Variants in EIF2B3 observed in about 807,000 individuals in gnomAD.
EIF2B3 encodes eukaryotic translation initiation factor 2B subunit gamma, also known as translation initiation factor eIF2B subunit gamma.
EIF2B3 carries 20 observed loss-of-function variants against 54.1 expected under a neutral mutation model. That is an observed-to-expected ratio of 0.37 (90% CI 0.26 to 0.54). EIF2B3 has a LOEUF of 0.54. EIF2B3 is among the 20% of genes least tolerant of loss of function. The pLI is 0.86. For synonymous variants in EIF2B3, 153 were observed against 188.1 expected, an observed-to-expected ratio of 0.81 and a Z score of 1.52; for missense variants, 448 against 547.8, an observed-to-expected ratio of 0.82 and a Z score of 1.82.
At chr1:44,960,198 T>C (rs1163539466) in intron 3 of EIF2B3, among the ~76,000 whole-genome samples, 2 of 152,244 alleles carry the variant, frequency 1.3e-5, no homozygotes, top group Non-Finnish European at 2.9e-5. Flanking sequence ...TTTTTAAAGT[T>C]GACTTTTTTG....
intron 10 of EIF2B3, among the ~76,000 whole-genome samples, chr1:44,862,591 C>T (rs982194920): frequency 9.2e-5 from 14 of 152,164 alleles, no homozygotes; most frequent in Admixed American, 8.5e-4. Context: ...ATGTCTAATA[C>T]ATCTCAGTCA....
intron 3 of EIF2B3, among the ~76,000 whole-genome samples, chr1:44,974,049 C>T (rs558877418): frequency 6.6e-6 from 1 of 152,106 alleles, no homozygotes; most frequent in African/African-American, 2.4e-5. Flanking sequence ...TGGAAGCCCC[C>T]ACTCTAATCA....
At chr1:44,879,564 C>T (rs1655316174) in intron 8 of EIF2B3, among the ~76,000 whole-genome samples, 1 of 152,096 alleles carries the variant, frequency 6.6e-6, no homozygotes, top group Admixed American at 6.5e-5. Context: ...ACCCAAAGGC[C>T]AGAAGTTAGC....
At chr1:44,926,582 T>C in intron 5 of EIF2B3, 46 bp downstream of exon 5, 4 of 1,527,816 alleles carry the variant, frequency 2.6e-6, no homozygotes, top group Non-Finnish European at 2.7e-6. Context: ...TTTTATTTTG[T>C]TTTAAGACAA....
chr1:44,899,421 C>T (rs1020789202), intron 5 of EIF2B3, among the ~76,000 whole-genome samples: 1 of 152,130 alleles, frequency 6.6e-6, no homozygotes, highest in Non-Finnish European at 1.5e-5. Context: ...GAAATATTCT[C>T]AAACTATGCA....
At chr1:44,886,211 C>T (rs946786225) in intron 6 of EIF2B3, among the ~76,000 whole-genome samples, 3 of 151,872 alleles carry the variant, frequency 2.0e-5, no homozygotes, top group Non-Finnish European at 4.4e-5. Flanking sequence ...TCCCGAGTAG[C>T]TGGGATTACA....
At chr1:44,937,280 T>C (rs1326213537) in intron 4 of EIF2B3, 1 of 152,276 alleles carries the variant, frequency 6.6e-6, no homozygotes, top group African/African-American at 2.4e-5. Context: ...CAAGAAGAGC[T>C]GCCTTTATAA....
intron 6 of EIF2B3, among the ~76,000 whole-genome samples, chr1:44,889,373 T>C (rs913452454): frequency 6.6e-6 from 1 of 151,810 alleles, no homozygotes; most frequent in African/African-American, 2.4e-5. Context: ...GCATCTCTAC[T>C]AAAAATACAA....
intron 5 of EIF2B3, among the ~76,000 whole-genome samples, chr1:44,916,015 A>G (rs1474981444): frequency 6.6e-6 from 1 of 152,152 alleles, no homozygotes; most frequent in Non-Finnish European, 1.5e-5. Context: ...ATTAATATCT[A>G]GCAATGTTTT....
At chr1:44,857,071 C>T (rs1654456986) in intron 11 of EIF2B3, among the ~76,000 whole-genome samples, 1 of 152,178 alleles carries the variant, frequency 6.6e-6, no homozygotes, top group Non-Finnish European at 1.5e-5. Context: ...TTGGCATGAA[C>T]CACTGTGCCT....
rs777903500 is a variant in EIF2B3 at position 44,881,654 on chromosome 1, C to G, written c.742G>C (p.Glu248Gln). The G allele has an allele frequency of 1.2e-6, 2 of 1,614,166 alleles. No homozygotes were observed. The highest frequency in any genetic ancestry group is 1.7e-5 in the Admixed American group (1 of 60,034). Residue 248 changes from glutamate (E) to glutamine (Q), a missense_variant, in exon 7 of 12, where the codon GAA becomes CAA. Physicochemically the swap from Glu to Gln is conservative, Grantham distance 29. Coordinates refer to ENST00000360403, the MANE Select transcript of EIF2B3 (RefSeq NM_020365.5). The surrounding 1 kb of genome is among the most constrained non-coding windows in gnomAD (Gnocchi z 4.0). ...SSASSQQGQE[E>Q]KEEDLKKKEL... ...TTTTTCTTTAGATCCTCCTCTTTTT[C>G]TTCTTGTCCCTGTTGTGAGGAAGCT...
chr1:44,944,126 A>G (rs1644070744), intron 3 of EIF2B3, among the ~76,000 whole-genome samples: 1 of 152,152 alleles, frequency 6.6e-6, no homozygotes, highest in African/African-American at 2.4e-5. Flanking sequence ...CTTGGGTGAC[A>G]GAGCAAGACT....
chr1:44,986,383 C>A (rs527744213), intron 1 of EIF2B3, 110 bp downstream of exon 1: 4 of 152,252 alleles, frequency 2.6e-5, no homozygotes, highest in African/African-American at 9.7e-5. Context: ...AGCAGGGAGT[C>A]GAGCTGACAA....
At chr1:44,911,870 C>T (rs1643523793) in intron 5 of EIF2B3, among the ~76,000 whole-genome samples, 1 of 145,066 alleles carries the variant, frequency 6.9e-6, no homozygotes. Flanking sequence ...CCCCAACCCA[C>T]AACAGTCCCC....
chr1:44,930,797 TG>T (rs1557690998), intron 4 of EIF2B3, among the ~76,000 whole-genome samples: 1 of 152,176 alleles, frequency 6.6e-6, no homozygotes, highest in Non-Finnish European at 1.5e-5. Flanking sequence ...TGTGCTACCA[TG>T]TCCAGCTAAT....
At chr1:44,953,837 T>C (rs1281480029) in intron 3 of EIF2B3, among the ~76,000 whole-genome samples, 1 of 152,176 alleles carries the variant, frequency 6.6e-6, no homozygotes, top group Non-Finnish European at 1.5e-5. Context: ...AACAGGCATG[T>C]CAGTCACATC....
At chr1:44,938,311 G>T (rs985590116) in intron 4 of EIF2B3, among the ~76,000 whole-genome samples, 1 of 152,114 alleles carries the variant, frequency 6.6e-6, no homozygotes, top group African/African-American at 2.4e-5. Flanking sequence ...GCCTTCAAAT[G>T]TAACAAAATA....
chr1:44,862,449 T>TTG (rs1275055154), intron 10 of EIF2B3, among the ~76,000 whole-genome samples: 5 of 152,146 alleles, frequency 3.3e-5, no homozygotes, highest in Non-Finnish European at 7.3e-5. Context: ...CTATACTATG[T>TTG]TGTGGCATAT....
In EIF2B3 at chr1:44,965,685, G is replaced by A. The variant is rs1278543981; in HGVS notation, c.294+12630C>T. Among the ~76,000 whole-genome samples the A allele has an allele frequency of 2.1e-5, 3 of 141,830 alleles. No homozygotes were observed. In the Admixed American group the frequency reaches 2.2e-4, roughly 11 times the overall value. The allele number at this position is 141,830 out of a possible 152,430, so 93.0% of individuals were successfully genotyped here. A position where few individuals can be genotyped will look rare whatever the true frequency, so the allele number is the denominator to read the frequency against. On this transcript the variant is annotated intron_variant, in intron 3 of 11. Coordinates refer to ENST00000360403, the MANE Select transcript of EIF2B3 (RefSeq NM_020365.5). ...GACGGAGTCTCACTCTGTGGCCCAG[G>A]CTGGAGTGCAGTGGCATGATCTCAG...
Sources: allele counts gnomAD v4.1 joint callset (sites outside exome capture counted in the v4.1 genomes callset), GRCh38; gene constraint gnomAD v4.1.1; non-coding constraint Gnocchi (gnomAD v3.1); transcripts MANE v1.5; gene names NCBI Gene and HGNC (gene_info 2026-07-23, HGNC 2026-07-21).